TTC6: variants seen among roughly 807,000 people sequenced by gnomAD.
TTC6 encodes tetratricopeptide repeat domain 6, also known as tetratricopeptide repeat protein 6.
Under a neutral mutation model 210.4 loss-of-function variants are expected in TTC6, and 172 were observed. The observed-to-expected ratio is 0.82, with a 90% confidence interval of 0.72 to 0.93. The LOEUF is 0.93. Among genes scored for constraint, TTC6 ranks in the 40% least tolerant of loss-of-function variants. The pLI is 0.00. For synonymous variants in TTC6, 804 were observed against 819.6 expected, an observed-to-expected ratio of 0.98 and a Z score of 0.32; for missense variants, 2,414 against 2,318.1, an observed-to-expected ratio of 1.04 and a Z score of -0.85.
intron 7 of TTC6, among the ~76,000 whole-genome samples, chr14:37,735,412 T>A (rs1352500690): frequency 1.3e-5 from 2 of 152,140 alleles, no homozygotes; most frequent in African/African-American, 4.8e-5. Flanking sequence ...ATAACCTTAA[T>A]CATAGTGGCA....
intron 1 of TTC6, among the ~76,000 whole-genome samples, chr14:37,651,411 ATATATATATATATATTTTTTTTTTTTT>A (rs1298216994): frequency 0.11 from 2,879 of 26,204 alleles, 104 homozygotes; most frequent in African/African-American, 0.17. Flanking sequence ...ATATATATAT[ATATATATATATATATTTTTTTTTTTTT>A]TTTTTTTTTT....
chr14:37,840,312 G>C (rs1399852714), intron 29 of TTC6, among the ~76,000 whole-genome samples: 1 of 152,094 alleles, frequency 6.6e-6, no homozygotes, highest in Non-Finnish European at 1.5e-5. Flanking sequence ...TCTCTGAATA[G>C]ACCAATAACA....
At chr14:37,680,075 G>A in intron 1 of TTC6, 76 bp from the exon 4 acceptor site, 3 of 782,656 alleles carry the variant, frequency 3.8e-6, no homozygotes, top group Non-Finnish European at 6.0e-6. Flanking sequence ...AAATTGACTA[G>A]CATTTTAGTA....
chr14:37,711,361 C>A (rs986443414), intron 5 of TTC6, among the ~76,000 whole-genome samples: 1 of 152,094 alleles, frequency 6.6e-6, no homozygotes, highest in East Asian at 1.9e-4. Context: ...AATGAAAGAG[C>A]AGATCAAATG....
At chr14:37,762,973 C>G (rs952559237) in intron 14 of TTC6, among the ~76,000 whole-genome samples, 2 of 150,824 alleles carry the variant, frequency 1.3e-5, no homozygotes, top group Non-Finnish European at 2.9e-5. Flanking sequence ...CAAGCTCCAC[C>G]TCCCGGGTTC....
At chr14:37,653,812 T>A (rs2095717152) in intron 1 of TTC6, among the ~76,000 whole-genome samples, 1 of 152,244 alleles carries the variant, frequency 6.6e-6, no homozygotes, top group Admixed American at 6.5e-5. Context: ...TCTTGTCAAC[T>A]TATTCATATT....
chr14:37,755,744 T>A (rs143513399), intron 14 of TTC6, among the ~76,000 whole-genome samples: 1 of 152,210 alleles, frequency 6.6e-6, no homozygotes, highest in African/African-American at 2.4e-5. Context: ...CATGCTGTTT[T>A]GGTTACTGTA....
chr14:37,662,466 G>A (rs571505249), intron 1 of TTC6, among the ~76,000 whole-genome samples: 59 of 152,192 alleles, frequency 3.9e-4, no homozygotes, highest in African/African-American at 1.1e-3. Flanking sequence ...ATTGATTTGC[G>A]TATGTTGAAC....
intron 7 of TTC6, among the ~76,000 whole-genome samples, chr14:37,732,379 T>G (rs1192882886): frequency 1.3e-5 from 2 of 151,232 alleles, no homozygotes; most frequent in Non-Finnish European, 2.9e-5. Flanking sequence ...CAGATGGGGT[T>G]TCACCGTGTT....
exon 14 of TTC6, chr14:37,753,136 T>C (rs764097548): frequency 6.5e-7 from 1 of 1,535,368 alleles, no homozygotes; most frequent in South Asian, 1.2e-5. Flanking sequence ...GATGCATTAT[T>C]GAAACGTGGG....
intron 5 of TTC6, among the ~76,000 whole-genome samples, chr14:37,702,364 A>T (rs951933086): frequency 1.3e-5 from 2 of 152,082 alleles, no homozygotes; most frequent in Non-Finnish European, 2.9e-5. Flanking sequence ...TCCTGATTAA[A>T]TTTTAATATG....
At chr14:37,804,767 C>G in exon 21 of TTC6, 1 of 1,614,114 alleles carries the variant, frequency 6.2e-7, no homozygotes, top group Non-Finnish European at 8.5e-7. Flanking sequence ...AGCAGACTGT[C>G]TGTATAACTT....
intron 23 of TTC6, among the ~76,000 whole-genome samples, chr14:37,808,382 T>C (rs977316531): frequency 3.3e-5 from 5 of 152,196 alleles, no homozygotes; most frequent in Admixed American, 2.0e-4. Flanking sequence ...AAGCAAGCAC[T>C]GGTGAATGTT....
At chr14:37,642,184 C>T (rs925209496) in intron 1 of TTC6, among the ~76,000 whole-genome samples, 14 of 152,296 alleles carry the variant, frequency 9.2e-5, no homozygotes, top group African/African-American at 3.4e-4. Context: ...CCCATAGCCT[C>T]CGCTGGTAGC....
At chr14:37,711,844 A>G (rs2095845230) in intron 5 of TTC6, among the ~76,000 whole-genome samples, 1 of 152,234 alleles carries the variant, frequency 6.6e-6, no homozygotes, top group Admixed American at 6.5e-5. Flanking sequence ...GATACAGTGA[A>G]CAGGAGAGAC....
intron 28 of TTC6, among the ~76,000 whole-genome samples, chr14:37,826,723 A>G (rs1214328379): frequency 4.6e-5 from 7 of 152,148 alleles, no homozygotes; most frequent in African/African-American, 1.4e-4. Context: ...AATGACAAGT[A>G]AAAATCTCAT....
intron 14 of TTC6, among the ~76,000 whole-genome samples, chr14:37,760,783 A>G (rs2095981970): frequency 1.3e-5 from 2 of 152,162 alleles, no homozygotes. Context: ...AATTCCCCCC[A>G]GTCCAAACCT....
chr14:37,681,044 TTTGGGCCC>T, intron 2 of TTC6, among the ~76,000 whole-genome samples: 1 of 152,298 alleles, frequency 6.6e-6, no homozygotes, highest in East Asian at 1.9e-4. Context: ...TTTGAGATGC[TTTGGGCCC>T]ATATATTTTT....
At chr14:37,823,881 A>C in exon 27 of TTC6, 2 of 1,614,066 alleles carry the variant, frequency 1.2e-6, no homozygotes, top group Non-Finnish European at 8.5e-7. Context: ...AAGCAAGCAC[A>C]GAAAGACTTT....
Sources: allele counts gnomAD v4.1 joint callset (sites outside exome capture counted in the v4.1 genomes callset), GRCh38; gene constraint gnomAD v4.1.1; transcripts MANE v1.5; gene names NCBI Gene and HGNC (gene_info 2026-07-23, HGNC 2026-07-21).